CEP70: variants seen among roughly 807,000 people sequenced by gnomAD.
The protein encoded by CEP70 is centrosomal protein 70.
Under a neutral mutation model 90.9 loss-of-function variants are expected in CEP70, and 70 were observed. The ratio of observed to expected loss-of-function variants is 0.77; its 90% CI spans 0.64 to 0.94. The LOEUF (loss-of-function observed/expected upper bound fraction) is 0.94, where lower values mean the gene tolerates loss of function less well. Among genes scored for constraint, CEP70 ranks in the 40% least tolerant of loss-of-function variants. The probability of loss-of-function intolerance (pLI) is 0.00; values close to 1 mark genes in which losing one functional copy is unlikely to be tolerated. For synonymous variants in CEP70, 220 were observed against 228.3 expected, an observed-to-expected ratio of 0.96 and a Z score of 0.33; for missense variants, 648 against 669.0, an observed-to-expected ratio of 0.97 and a Z score of 0.35.
intron 11 of CEP70, among the ~76,000 whole-genome samples, chr3:138,518,649 C>A (rs1014175471): frequency 1.3e-5 from 2 of 152,198 alleles, no homozygotes; most frequent in Admixed American, 1.3e-4. Flanking sequence ...AACTAACAAA[C>A]AGGAAGGACA....
intron 17 of CEP70, chr3:138,495,966 A>T (rs2033929323): frequency 1.0e-6 from 1 of 985,354 alleles, no homozygotes; most frequent in Non-Finnish European, 1.2e-6. Flanking sequence ...AAACCAATCC[A>T]GGCTCTTTTT....
chr3:138,545,489 G>A (rs2039113543), intron 6 of CEP70, among the ~76,000 whole-genome samples: 1 of 152,138 alleles, frequency 6.6e-6, no homozygotes, highest in Admixed American at 6.5e-5. Context: ...TGTAAAACAT[G>A]TGTGTTTGAA....
At chr3:138,549,378 A>T (rs2039454954) in intron 6 of CEP70, among the ~76,000 whole-genome samples, 1 of 151,822 alleles carries the variant, frequency 6.6e-6, no homozygotes, top group Admixed American at 6.6e-5. Flanking sequence ...AGTGGGCATG[A>T]TGGGAGTGAG....
In CEP70 at chr3:138,508,468, G is replaced by A. The variant is rs1271754087; in HGVS notation, c.1021C>T (p.Gln341Ter). ...KDEPSKYNQQQALIDQRYFQV... is the reference protein window; with the variant it reads ...KDEPSKYNQQ ...AAGTATCTCTGGTCAATTAGGGCCT[G>A]TTGCTGATTATATTTGCTGGGCTCA... Residue 341 changes from glutamine to a stop codon, truncating the protein, a stop_gained, in exon 12 of 18, where the codon CAG (glutamine) becomes TAG (stop). Transcript: ENST00000264982. LOFTEE classifies it high-confidence loss of function. The A allele has an allele frequency of 6.2e-7, 1 of 1,611,346 alleles. No individual in the cohort carries two copies. The highest frequency in any genetic ancestry group is 1.3e-5 in the African/African-American group (1 of 74,784).
chr3:138,500,531 T>C lies in CEP70; in HGVS notation c.1405A>G (p.Ile469Val). 1.2e-6 allele frequency: 2 copies of C among 1,610,170 alleles called. No homozygotes were observed. The highest frequency in any genetic ancestry group is 2.2e-5 in the East Asian group (1 of 44,780). Residue 469 changes from isoleucine to valine, a missense_variant, in exon 15 of 18, where the codon ATT (isoleucine) becomes GTT (valine). Transcript: ENST00000264982. Reference protein sequence around the residue: ...NMPHFQTLQAIVSHFQKLFDV... With the variant: ...NMPHFQTLQAVVSHFQKLFDV... ...AATAACTTTTGGAAGTGAGAAACAA[T>C]AGCTTGCAAAGTTTGAAAGTGTGGC...
At chr3:138,509,012 C>T (rs527539387) in intron 11 of CEP70, among the ~76,000 whole-genome samples, 5 of 152,138 alleles carry the variant, frequency 3.3e-5, no homozygotes, top group Non-Finnish European at 7.3e-5. Context: ...GGATTACAGG[C>T]GTGAGCCACC....
At chr3:138,504,444 G>A (rs187316111) in intron 13 of CEP70, among the ~76,000 whole-genome samples, 8 of 152,206 alleles carry the variant, frequency 5.3e-5, no homozygotes, top group African/African-American at 1.7e-4. Context: ...GGACATATCA[G>A]AACAAATAAA....
At chr3:138,540,197 T>TA (rs151264503) in intron 6 of CEP70, among the ~76,000 whole-genome samples, 33 of 148,066 alleles carry the variant, frequency 2.2e-4, no homozygotes, top group Admixed American at 7.4e-4. Context: ...ACAAGCATAT[T>TA]AAAAAAAAAA....
rs147466202 is a variant in CEP70, at chr3:138,526,302, C to A, written c.870-738G>T. 4.7e-3 allele frequency among the ~76,000 whole-genome samples: 720 copies of A among 152,104 alleles called. 4 individuals carry two copies. The highest frequency in any genetic ancestry group is 0.017 in the African/African-American group (694 of 41,488). ...TGGCCTCTTGAATAGCTGGGACTAC[C>A]GATGCGTACCACCACACCGGGCTGA... On this transcript the variant is annotated intron_variant, in intron 10 of 17. Coordinates refer to ENST00000264982, the MANE Select transcript of CEP70 (RefSeq NM_024491.4).
chr3:138,549,778 C>G (rs2039484707), intron 6 of CEP70, among the ~76,000 whole-genome samples: 1 of 152,136 alleles, frequency 6.6e-6, no homozygotes, highest in African/African-American at 2.4e-5. Context: ...GCGCATTAAA[C>G]AACCAAAACT....
chr3:138,528,257 C>T (rs1312028819), intron 10 of CEP70, among the ~76,000 whole-genome samples: 4 of 152,018 alleles, frequency 2.6e-5, no homozygotes, highest in Non-Finnish European at 5.9e-5. Context: ...GTTGCCCATG[C>T]TGGTCTCGAA....
intron 7 of CEP70, among the ~76,000 whole-genome samples, chr3:138,534,944 T>G (rs2038133752): frequency 1.3e-5 from 2 of 152,220 alleles, no homozygotes; most frequent in Non-Finnish European, 2.9e-5. Context: ...TTGGTCCTAG[T>G]TAAGACCTTC....
intron 5 of CEP70, 77 bp from the exon 6 acceptor site, chr3:138,570,575 G>A (rs889579118): frequency 1.8e-6 from 2 of 1,109,502 alleles, no homozygotes; most frequent in Non-Finnish European, 2.6e-6. Context: ...ATATAAGAAT[G>A]TATTGCCTTT....
intron 11 of CEP70, among the ~76,000 whole-genome samples, chr3:138,521,019 G>A (rs563426771): frequency 2.6e-5 from 4 of 152,226 alleles, no homozygotes; most frequent in Admixed American, 6.5e-5. Context: ...CATGTTGGCC[G>A]GGCTGCTCTC....
chr3:138,593,989 C>T (rs570199276), intron 1 of CEP70: 66 of 152,462 alleles, frequency 4.3e-4, no homozygotes, highest in African/African-American at 1.5e-3. Flanking sequence ...AGCCAAAGAA[C>T]ACAAAGCCTG....
chr3:138,568,894 G>A (rs749542529), intron 6 of CEP70, among the ~76,000 whole-genome samples: 31 of 151,592 alleles, frequency 2.0e-4, no homozygotes, highest in Non-Finnish European at 1.9e-4. Flanking sequence ...CAGGAGAATC[G>A]CTTCAACCCG....
chr3:138,512,955 A>T (rs1207808558), intron 11 of CEP70, among the ~76,000 whole-genome samples: 1 of 152,196 alleles, frequency 6.6e-6, no homozygotes, highest in African/African-American at 2.4e-5. Context: ...TTTACCCTAC[A>T]ATCTTAGGAC....
At chr3:138,553,219 C>T (rs1246385935) in intron 6 of CEP70, among the ~76,000 whole-genome samples, 2 of 152,122 alleles carry the variant, frequency 1.3e-5, no homozygotes, top group Non-Finnish European at 2.9e-5. Flanking sequence ...ATGGCTCACG[C>T]CTGTAATCCT....
Position 138,525,494 on chromosome 3 carries a change from CG to C in CEP70, c.939del (p.Asn313LysfsTer31). Reference sequence around the variant, plus strand: ...TTTTGGTAAAAATATAATTACTTGACGTTTTTCTTAAGGGCTTTTTCCAGCT... The same window carrying C: ...TTTTGGTAAAAATATAATTACTTGACTTTTTCTTAAGGGCTTTTTCCAGCT... ...VKKLEKALKK[N>X]VKLQELINHK... On this transcript the variant is annotated frameshift_variant, in exon 11 of 18. Coordinates refer to ENST00000264982, the MANE Select transcript of CEP70 (RefSeq NM_024491.4). LOFTEE classifies it high-confidence loss of function. 1.5e-6 allele frequency: 2 copies of C among 1,374,294 alleles called. No individual in the cohort carries two copies. The highest frequency in any genetic ancestry group is 1.9e-6 in the Non-Finnish European group (2 of 1,042,984). The allele number at this position is 1,374,294 out of a possible 1,614,324, so 85.1% of individuals were successfully genotyped here. A position where few individuals can be genotyped will look rare whatever the true frequency, so the allele number is the denominator to read the frequency against.
Sources: gnomAD v4.1 joint callset for allele counts (sites outside exome capture counted in the v4.1 genomes callset) on GRCh38, gnomAD v4.1.1 for gene constraint, MANE v1.5 for transcripts, NCBI Gene and HGNC (gene_info 2026-07-23, HGNC 2026-07-21) for gene names.